Variants in C6orf118 observed in about 807,000 individuals in gnomAD.
The protein encoded by C6orf118 is chromosome 6 open reading frame 118.
A neutral mutation model predicts 50.2 loss-of-function variants in C6orf118; 50 were observed. The ratio of observed to expected loss-of-function variants is 1.00; its 90% CI spans 0.79 to 1.26. C6orf118 has a LOEUF of 1.26. Ranked by LOEUF, C6orf118 falls within the 50% of genes most tolerant of loss-of-function variation. C6orf118 has a pLI of 0.00. For synonymous variants in C6orf118, 239 were observed against 230.9 expected (o/e 1.03, Z -0.32); for missense variants, 641 against 578.7 (o/e 1.11, Z -1.10).
At position 165,286,296 on chromosome 6, in the gene C6orf118, A is replaced by AT. The variant is rs538464483; in HGVS notation, c.1302+3589dup. 2.9e-3 allele frequency among the ~76,000 whole-genome samples: 434 copies of AT among 152,102 alleles called. 1 individual carries two copies. Among genetic ancestry groups the AT allele is most frequent in the African/African-American group, 9.9e-3 (409 of 41,516 alleles). On this transcript the variant is annotated intron_variant, in intron 7 of 8. Transcript: ENST00000230301. ...TGAAGCAGTAATAAATAGTCCACAA[A>AT]TTTTTTTTAAAAAGCCCAGGACCAG...
intron 7 of C6orf118, among the ~76,000 whole-genome samples, chr6:165,284,440 C>T (rs951034809): frequency 2.3e-4 from 35 of 152,264 alleles, no homozygotes; most frequent in African/African-American, 7.5e-4. Context: ...CCTAGCAAGA[C>T]AGGCCAACAT....
At chr6:165,292,083 T>C (rs1780124192) in intron 6 of C6orf118, among the ~76,000 whole-genome samples, 1 of 152,158 alleles carries the variant, frequency 6.6e-6, no homozygotes, top group Non-Finnish European at 1.5e-5. Context: ...TGAAAGAAAC[T>C]ACAAAATAAA....
chr6:165,299,582 G>A (rs1225373811), intron 3 of C6orf118, 80 bp from the exon 4 acceptor site: 17 of 1,078,926 alleles, frequency 1.6e-5, no homozygotes, highest in South Asian at 5.4e-5. Flanking sequence ...TAAATAATAC[G>A]GAAGTCAAGA....
At chr6:165,302,367 C>G (rs1780591047) in intron 1 of C6orf118, 71 bp from the exon 2 acceptor site, 1 of 1,542,746 alleles carries the variant, frequency 6.5e-7, no homozygotes, top group East Asian at 2.2e-5. Context: ...GGTGCACTGG[C>G]TGAGAGGCGT....
Position 165,290,067 on chromosome 6 carries a change from T to G in C6orf118, c.1121A>C (p.Glu374Ala). 1 of 1,574,840 alleles carries G rather than the reference T, an allele frequency of 6.3e-7. No homozygotes were observed. The highest frequency in any genetic ancestry group is 8.6e-7 in the Non-Finnish European group (1 of 1,159,764). The change falls in exon 7 of 9, where the codon GAA becomes GCA. Residue 374 changes from glutamate to alanine, a missense_variant and splice_region_variant. Glu to Ala is a moderately radical substitution (Grantham distance 107). Coordinates refer to ENST00000230301, the MANE Select transcript of C6orf118 (RefSeq NM_144980.4). ...ATCAATTATATGTTTCTCAGATGAT[T>G]CTGGAAATATTTTTTAAAACAAAGT... The part of the protein sequence containing the change: ...ALLQSAKERS[E>A]SSEKHIIDEN...
rs1240403922 is a variant in C6orf118 at position 165,303,698 on chromosome 6, C to T, written c.26-1402G>A. On this transcript the variant is annotated intron_variant, in intron 1 of 8. Coordinates refer to ENST00000230301, the MANE Select transcript of C6orf118 (RefSeq NM_144980.4). Reference sequence around the variant, plus strand: ...TCAGAGAATACTACAAACACCTCTACGCAAATAAACTAGAAAATCTAGAAG... The same window carrying T: ...TCAGAGAATACTACAAACACCTCTATGCAAATAAACTAGAAAATCTAGAAG... 9.1e-3 allele frequency among the ~76,000 whole-genome samples: 521 copies of T among 57,406 alleles called. 22 individuals carry two copies. Among genetic ancestry groups the T allele is most frequent in the African/African-American group, 0.056 (481 of 8,648 alleles). The allele number at this position is 57,406 out of a possible 152,430, so 37.7% of individuals were successfully genotyped here. A position where few individuals can be genotyped will look rare whatever the true frequency, so the allele number is the denominator to read the frequency against.
chr6:165,298,048 G>T lies in C6orf118; in HGVS notation c.990C>A (p.Asp330Glu). 1 of 1,613,488 alleles carries T rather than the reference G, an allele frequency of 6.2e-7. No individual in the cohort carries two copies. The highest frequency in any genetic ancestry group is 1.1e-5 in the South Asian group (1 of 91,022). ...TCAGCTCTTCCCTGGCGAGATCCATGTCCGCCGTCTTCACCGGCCTCTGCC... is the reference window on the plus strand; with the variant it reads ...TCAGCTCTTCCCTGGCGAGATCCATTTCCGCCGTCTTCACCGGCCTCTGCC... ...ALGQRPVKTA[D>E]MDLAREELRM... is the part of the protein sequence containing the mutation. Residue 330 changes from aspartate (D) to glutamate (E), a missense_variant, in exon 5 of 9, where the codon GAC (aspartate) becomes GAA (glutamate). Physicochemically the swap from Asp to Glu is conservative, Grantham distance 45. Coordinates refer to ENST00000230301, the MANE Select transcript of C6orf118 (RefSeq NM_144980.4).
Position 165,279,892 on chromosome 6 carries a change from A to G in C6orf118, c.*165T>C, listed in dbSNP as rs1405502448. On this transcript the variant is annotated 3_prime_UTR_variant, in exon 9 of 9. Transcript: ENST00000230301. ...ACTAATCATGTGTACGCATGTGTGT[A>G]TTTCAGTATCCTGAGTAGGATACAT... The G allele has an allele frequency of 1.2e-5, 7 of 605,660 alleles. No homozygotes were observed. The highest frequency in any genetic ancestry group is 6.3e-5 in the East Asian group (2 of 31,752). The allele number at this position is 605,660 out of a possible 1,614,324, so 37.5% of individuals were successfully genotyped here. A position where few individuals can be genotyped will look rare whatever the true frequency, so the allele number is the denominator to read the frequency against.
At chr6:165,308,812 C>G (rs1174200334) in intron 1 of C6orf118, among the ~76,000 whole-genome samples, 1 of 152,222 alleles carries the variant, frequency 6.6e-6, no homozygotes, top group East Asian at 1.9e-4. Flanking sequence ...ACGCTCTCAA[C>G]CTGCCCACTC....
At chr6:165,289,706 T>C (rs1780038686) in intron 7 of C6orf118, among the ~76,000 whole-genome samples, 180 bp downstream of exon 7, 1 of 152,168 alleles carries the variant, frequency 6.6e-6, no homozygotes, top group African/African-American at 2.4e-5. Context: ...CCTTTTTTCT[T>C]ATTTTGATAG....
intron 2 of C6orf118, 99 bp from the exon 3 acceptor site, chr6:165,300,585 TGGC>T: frequency 8.3e-7 from 1 of 1,203,844 alleles, no homozygotes; most frequent in Non-Finnish European, 1.1e-6. Flanking sequence ...GCCATCACCC[TGGC>T]GAGTGGGCGG....
chr6:165,298,212 G>T (rs896550353), intron 4 of C6orf118, 111 bp from the exon 5 acceptor site: 12 of 1,290,720 alleles, frequency 9.3e-6, no homozygotes, highest in African/African-American at 3.1e-5. Context: ...TAACATATAA[G>T]TTCTAGTTAA....
intron 5 of C6orf118, among the ~76,000 whole-genome samples, chr6:165,297,368 C>T (rs1780345342): frequency 6.7e-6 from 1 of 149,876 alleles, no homozygotes; most frequent in Admixed American, 6.7e-5. Flanking sequence ...CACCCCACTG[C>T]ACTCCAGCCT....
Position 165,301,626 on chromosome 6 carries a change from C to T in C6orf118, c.696G>A (p.Leu232=). 1 of 1,614,112 alleles carries T rather than the reference C, an allele frequency of 6.2e-7. No homozygotes were observed. Among genetic ancestry groups the T allele is most frequent in the African/African-American group, 1.3e-5 (1 of 75,050 alleles). The change falls in exon 2 of 9, where the codon CTG becomes CTA. Residue 232 remains leucine, a synonymous_variant. Coordinates refer to ENST00000230301, the MANE Select transcript of C6orf118 (RefSeq NM_144980.4). ...QKEVLAKQDL[L]KNDFTGSKAA... ...CCTTGCTCCCAGTGAAGTCATTCTT[C>T]AGGAGATCTTGCTTGGCGAGCACTT...
At chr6:165,305,298 C>T (rs1331631419) in intron 1 of C6orf118, among the ~76,000 whole-genome samples, 1 of 44,310 alleles carries the variant, frequency 2.3e-5, no homozygotes. Context: ...GGATCCCTTC[C>T]TTACACCTTA....
chr6:165,299,437 C>T lies in C6orf118; in HGVS notation c.936+6G>A, dbSNP rs1562332784. ...TCTATTCAGGCTCTTTGTGATCGAT[C>T]GTCACCTCGTACTGTGCTGCAGGCT... On this transcript the variant is annotated splice_donor_region_variant and intron_variant, in intron 4 of 8. Transcript: ENST00000230301. 1.2e-6 allele frequency: 2 copies of T among 1,613,574 alleles called. No individual in the cohort carries two copies. Among genetic ancestry groups the T allele is most frequent in the East Asian group, 4.5e-5 (2 of 44,864 alleles).
At chr6:165,300,231 G>A in intron 3 of C6orf118, 133 bp downstream of exon 3, 1 of 1,043,526 alleles carries the variant, frequency 9.6e-7, no homozygotes, top group Non-Finnish European at 1.4e-6. Flanking sequence ...CGAGTCTCTG[G>A]GAGTGATGGT....
chr6:165,297,511 C>T lies in C6orf118; in HGVS notation c.1061+466G>A, dbSNP rs1031897712. Among the ~76,000 whole-genome samples the T allele has an allele frequency of 5.3e-5, 8 of 151,182 alleles. No individual in the cohort carries two copies. The East Asian group carries it at 1.5e-3, about 29-fold the overall frequency. ...TGTTTTTTGGTTTTGTTTCTTGTTTCATGCTCTTGAAGATATTTTGGATGT... is the reference window on the plus strand; with the variant it reads ...TGTTTTTTGGTTTTGTTTCTTGTTTTATGCTCTTGAAGATATTTTGGATGT... On this transcript the variant is annotated intron_variant, in intron 5 of 8. Coordinates refer to ENST00000230301, the MANE Select transcript of C6orf118 (RefSeq NM_144980.4).
intron 1 of C6orf118, among the ~76,000 whole-genome samples, chr6:165,307,849 G>A (rs1780801508): frequency 6.6e-6 from 1 of 152,186 alleles, no homozygotes; most frequent in Admixed American, 6.5e-5. Context: ...CGAGTCCTGG[G>A]CTCCCCTCAC....
Sources: allele counts gnomAD v4.1 joint callset (sites outside exome capture counted in the v4.1 genomes callset), GRCh38; gene constraint gnomAD v4.1.1; transcripts MANE v1.5; gene names NCBI Gene and HGNC (gene_info 2026-07-23, HGNC 2026-07-21).